PRDX4: variants seen among roughly 807,000 people sequenced by gnomAD.
PRDX4 encodes the protein peroxiredoxin 4, also known as peroxiredoxin-4.
A neutral mutation model predicts 20.5 loss-of-function variants in PRDX4; 12 were observed. That is an observed-to-expected ratio of 0.58 (90% CI 0.37 to 0.95). The LOEUF (loss-of-function observed/expected upper bound fraction) is 0.95. Ranked by LOEUF, PRDX4 falls within the 40% of genes least tolerant of loss-of-function variation. The pLI is 0.01. For missense variants in PRDX4, 180 were observed against 207.3 expected, an observed-to-expected ratio of 0.87 and a Z score of 0.81; for synonymous variants, 99 against 87.5, an observed-to-expected ratio of 1.13 and a Z score of -0.73.
intron 4 of PRDX4, 150 bp from the exon 5 acceptor site, chrX:23,682,244 CGT>C (rs9331476): frequency 0.34 from 59,475 of 173,479 alleles, 7,317 homozygotes; most frequent in East Asian, 0.51. Flanking sequence ...GGTGTGTGTA[CGT>C]GTGTGTGTGT....
intron 1 of PRDX4, among the ~76,000 whole-genome samples, chrX:23,669,491 T>C (rs987505639): frequency 1.2e-4 from 13 of 111,910 alleles, no homozygotes; most frequent in African/African-American, 3.9e-4. Flanking sequence ...TAGTAAAGAC[T>C]ATTATGGAGC....
intron 1 of PRDX4, among the ~76,000 whole-genome samples, chrX:23,668,019 G>T (rs1306394895): frequency 8.9e-6 from 1 of 112,056 alleles, no homozygotes; most frequent in African/African-American, 3.2e-5. Flanking sequence ...TCAGATTTTA[G>T]AAGAGGTAGT....
Position 23,679,158 on chromosome X carries a change from G to A in PRDX4, c.477-7G>A, listed in dbSNP as rs1928010075. 1.7e-6 allele frequency: 2 copies of A among 1,204,129 alleles called. No individual in the cohort carries two copies. The highest frequency in any genetic ancestry group is 4.5e-5 in the Admixed American group (2 of 44,660). On this transcript the variant is annotated splice_polypyrimidine_tract_variant and splice_region_variant and intron_variant, in intron 3 of 6. Transcript: ENST00000379341. ...GCTCTGAGAGGTAAGCGTTCTGTTT[G>A]TTACAGGATTAATACCCCTCGAAGA...
chrX:23,681,642 C>T (rs1239168600), intron 4 of PRDX4, among the ~76,000 whole-genome samples: 1 of 112,366 alleles, frequency 8.9e-6, no homozygotes, highest in African/African-American at 3.2e-5. Flanking sequence ...GCCCCAAAAA[C>T]GACTGAGGCA....
chrX:23,675,177 C>G, intron 3 of PRDX4, 71 bp downstream of exon 3: 1 of 1,206,381 alleles, frequency 8.3e-7, no homozygotes. Context: ...ACAGATAACT[C>G]TTGATATGAT....
chrX:23,682,536 C>T lies in PRDX4; in HGVS notation c.730+10C>T. 1 of 1,108,427 alleles carries T rather than the reference C, an allele frequency of 9.0e-7. No individual in the cohort carries two copies. The highest frequency in any genetic ancestry group is 1.2e-6 in the Non-Finnish European group (1 of 838,489). 91.3% of individuals were successfully genotyped at this position (1,108,427 alleles called of 1,213,427 possible). On this transcript the variant is annotated intron_variant, in intron 5 of 6. Transcript: ENST00000379341. ...GACAAACACGGAGAAGGTACCTCTC[C>T]CTTCTAACCTTTTGATTTTTTAGTT...
intron 4 of PRDX4, among the ~76,000 whole-genome samples, chrX:23,680,951 C>T (rs1249594634): frequency 1.8e-5 from 2 of 110,741 alleles, no homozygotes; most frequent in Admixed American, 9.6e-5. Context: ...AATACATAGC[C>T]GGGCGCAGTG....
At chrX:23,671,990 T>G (rs948458957) in intron 2 of PRDX4, among the ~76,000 whole-genome samples, 1 of 112,450 alleles carries the variant, frequency 8.9e-6, no homozygotes, top group African/African-American at 3.2e-5. Flanking sequence ...CTCTCTTGAT[T>G]AGAAAATTAA....
At chrX:23,686,016 T>C (rs1286875994) in intron 6 of PRDX4, 15 of 424,167 alleles carry the variant, frequency 3.5e-5, no homozygotes, top group East Asian at 1.1e-4. Context: ...AACCTGAAGA[T>C]ACCATGAAAG....
Position 23,682,825 on chromosome X carries a change from C to CAA in PRDX4, c.730+327_730+328dup, listed in dbSNP as rs568865999. On this transcript the variant is annotated intron_variant, in intron 5 of 6. Coordinates refer to ENST00000379341, the MANE Select transcript of PRDX4 (RefSeq NM_006406.2). ...GTGAAACCTCACCTCTACTAAAAAT[C>CAA]AAAAAAAAAAAAAAAAAAAAAAAAA... Among the ~76,000 whole-genome samples, 31 of 9,584 alleles carry CAA rather than the reference C, an allele frequency of 3.2e-3. 1 individual carries two copies. The highest frequency in any genetic ancestry group is 0.011 in the Admixed American group (3 of 276). The allele number at this position is 9,584 out of a possible 115,157, so 8.3% of individuals were successfully genotyped here.
chrX:23,679,348 T>A lies in PRDX4; in HGVS notation c.599+61T>A, dbSNP rs189584062. 5.7e-4 allele frequency: 605 copies of A among 1,056,472 alleles called. No homozygotes were observed. In the African/African-American group the frequency reaches 8.4e-3, roughly 15 times the overall value. 87.1% of individuals were successfully genotyped at this position (1,056,472 alleles called of 1,213,427 possible). A position where few individuals can be genotyped will look rare whatever the true frequency, so the allele number is the denominator to read the frequency against. ...AGCGTGTTTATAATCCTCCTTGAAATAGATGTTATTTATGAAATAGAAGAA... is the reference window on the plus strand; with the variant it reads ...AGCGTGTTTATAATCCTCCTTGAAAAAGATGTTATTTATGAAATAGAAGAA... On this transcript the variant is annotated intron_variant, in intron 4 of 6. Coordinates refer to ENST00000379341, the MANE Select transcript of PRDX4 (RefSeq NM_006406.2).
At chrX:23,677,999 A>C (rs1927982410) in intron 3 of PRDX4, among the ~76,000 whole-genome samples, 1 of 112,444 alleles carries the variant, frequency 8.9e-6, no homozygotes, top group South Asian at 3.6e-4. Context: ...CCAGCCGGGC[A>C]CAGTGGCCTG....
intron 3 of PRDX4, among the ~76,000 whole-genome samples, chrX:23,677,491 C>T (rs1264883449): frequency 9.0e-6 from 1 of 111,677 alleles, no homozygotes; most frequent in East Asian, 2.8e-4. Context: ...GGAAAAAATC[C>T]TAAATCCAAA....
chrX:23,682,853 AATATATATAT>A (rs1173209030), intron 5 of PRDX4, among the ~76,000 whole-genome samples: 4 of 14,878 alleles, frequency 2.7e-4, no homozygotes, highest in Non-Finnish European at 5.0e-4. Context: ...AAAAAAAAAA[AATATATATAT>A]ATATATATAT....
chrX:23,679,744 C>T (rs1486351229), intron 4 of PRDX4, among the ~76,000 whole-genome samples: 2 of 108,969 alleles, frequency 1.8e-5, no homozygotes, highest in Non-Finnish European at 3.8e-5. Flanking sequence ...TTTGGGAGGC[C>T]GAGGGGGGCA....
intron 2 of PRDX4, among the ~76,000 whole-genome samples, chrX:23,672,086 C>T (rs887701331): frequency 9.0e-6 from 1 of 111,377 alleles, no homozygotes; most frequent in Admixed American, 9.6e-5. Context: ...CATGGTAAAA[C>T]CCCATCTCTA....
chrX:23,674,765 GAA>G (rs1298578524), intron 2 of PRDX4, among the ~76,000 whole-genome samples: 1 of 111,992 alleles, frequency 8.9e-6, no homozygotes, highest in African/African-American at 3.2e-5. Flanking sequence ...GTTGTAATAA[GAA>G]AGTTTATTGA....
At chrX:23,686,138 G>T in intron 6 of PRDX4, 147 bp from the exon 7 acceptor site, 1 of 465,101 alleles carries the variant, frequency 2.2e-6, no homozygotes, top group Non-Finnish European at 3.8e-6. Flanking sequence ...AAATTAGTAG[G>T]CAGGACAAAT....
At position 23,678,633 on chromosome X, in the gene PRDX4, A is replaced by G. The variant is rs1248847564; in HGVS notation, c.477-532A>G. ...CGACAGAGCAAGACTCCGTCTCAGA[A>G]AAAACAAAAATGTGTTGTAGGCTGA... On this transcript the variant is annotated intron_variant, in intron 3 of 6. Coordinates refer to ENST00000379341, the MANE Select transcript of PRDX4 (RefSeq NM_006406.2). Among the ~76,000 whole-genome samples the G allele has an allele frequency of 1.2e-4, 13 of 110,770 alleles. No individual in the cohort carries two copies. In the Admixed American group the frequency reaches 1.3e-3, roughly 11 times the overall value.
Sources: gnomAD v4.1 joint callset for allele counts (sites outside exome capture counted in the v4.1 genomes callset) on GRCh38, gnomAD v4.1.1 for gene constraint, MANE v1.5 for transcripts, NCBI Gene and HGNC (gene_info 2026-07-23, HGNC 2026-07-21) for gene names.